Variants in DLG2 observed in about 807,000 individuals in gnomAD.
The protein encoded by DLG2 is disks large homolog 2.
DLG2 carries 45 observed loss-of-function variants against 132.5 expected under a neutral mutation model. The ratio of observed to expected loss-of-function variants is 0.34; its 90% CI spans 0.27 to 0.44. The LOEUF is 0.44. DLG2 is among the 20% of genes least tolerant of loss of function. The pLI, the probability that DLG2 is intolerant of heterozygous loss-of-function variation, is 1.00. For missense variants in DLG2, 1,045 were observed against 1,196.9 expected (o/e 0.87, Z 1.87); for synonymous variants, 424 against 419.6 (o/e 1.01, Z -0.13).
chr11:83,812,983 T>G (rs1265025009), intron 17 of DLG2, among the ~76,000 whole-genome samples: 3 of 152,176 alleles, frequency 2.0e-5, no homozygotes, highest in Non-Finnish European at 4.4e-5. Context: ...ACCACTTGCT[T>G]TGTGTCAGGC....
At chr11:84,984,194 A>G (rs1299301204) in intron 6 of DLG2, among the ~76,000 whole-genome samples, 4 of 152,202 alleles carry the variant, frequency 2.6e-5, no homozygotes, top group Non-Finnish European at 5.9e-5. Flanking sequence ...ATCATCACCT[A>G]GGCACATTGC....
chr11:84,448,218 C>T (rs2154480207), intron 7 of DLG2, among the ~76,000 whole-genome samples: 1 of 152,164 alleles, frequency 6.6e-6, no homozygotes, highest in East Asian at 1.9e-4. Flanking sequence ...TTCTAGCTAT[C>T]TCAACAACAG....
At chr11:83,997,730 C>CAAAAAAAAAAAA (rs71066079) in intron 11 of DLG2, among the ~76,000 whole-genome samples, 3 of 24,796 alleles carry the variant, frequency 1.2e-4, no homozygotes, top group African/African-American at 4.5e-4. Flanking sequence ...GACTCCATCT[C>CAAAAAAAAAAAA]AAAAAAAAAA....
At chr11:85,429,720 G>A (rs567575780) in intron 3 of DLG2, among the ~76,000 whole-genome samples, 3 of 152,346 alleles carry the variant, frequency 2.0e-5, no homozygotes, top group Non-Finnish European at 4.4e-5. Flanking sequence ...AGGTGCTGGA[G>A]AGGATGTGGA....
At chr11:84,516,988 TAA>T (rs1212178504) in intron 7 of DLG2, among the ~76,000 whole-genome samples, 1 of 47,258 alleles carries the variant, frequency 2.1e-5, no homozygotes, top group Admixed American at 2.3e-4. Context: ...ACTTAAAGTA[TAA>T]AAAAAAAAAG....
chr11:84,339,469 G>T (rs909963279), intron 7 of DLG2, among the ~76,000 whole-genome samples: 1 of 152,140 alleles, frequency 6.6e-6, no homozygotes, highest in Non-Finnish European at 1.5e-5. Context: ...ATTGGTATTT[G>T]TTCATCTATT....
chr11:85,224,473 G>A (rs2074855565), intron 4 of DLG2, among the ~76,000 whole-genome samples: 1 of 152,136 alleles, frequency 6.6e-6, no homozygotes, highest in Admixed American at 6.6e-5. Flanking sequence ...TGGCTGTACT[G>A]ATTAGTGATT....
chr11:84,156,502 C>T (rs2095432281), intron 9 of DLG2, among the ~76,000 whole-genome samples: 1 of 152,148 alleles, frequency 6.6e-6, no homozygotes, highest in African/African-American at 2.4e-5. Context: ...CTCCCATCCT[C>T]ACTGAAGAAA....
intron 6 of DLG2, among the ~76,000 whole-genome samples, chr11:85,083,324 C>T (rs929127247): frequency 9.2e-5 from 14 of 152,270 alleles, no homozygotes; most frequent in Non-Finnish European, 1.5e-4. Flanking sequence ...CAAGCTGGTA[C>T]CAAGCACCAA....
intron 6 of DLG2, among the ~76,000 whole-genome samples, chr11:84,714,591 CTCTTTCTTTCTCTT>C (rs1317461805): frequency 4.4e-5 from 5 of 113,664 alleles, no homozygotes; most frequent in African/African-American, 1.2e-4. Flanking sequence ...CTTTCTCTTT[CTCTTTCTTTCTCTT>C]TCTCTTTCTC....
intron 3 of DLG2, among the ~76,000 whole-genome samples, chr11:85,451,113 C>T (rs2092225720): frequency 6.6e-6 from 1 of 152,094 alleles, no homozygotes; most frequent in South Asian, 2.1e-4. Context: ...ATAGGGATCT[C>T]AAACTTCATC....
chr11:84,124,852 T>TC (rs2094100376), intron 9 of DLG2, among the ~76,000 whole-genome samples: 1 of 149,302 alleles, frequency 6.7e-6, no homozygotes, highest in Admixed American at 6.7e-5. Context: ...TTTCACTTTT[T>TC]TTTTTTTTTT....
At position 83,765,856 on chromosome 11, in the gene DLG2, C is replaced by T. The variant is rs549173327; in HGVS notation, c.1825+20834G>A. Among the ~76,000 whole-genome samples the T allele has an allele frequency of 2.6e-5, 4 of 152,036 alleles. No homozygotes were observed. In the East Asian group the frequency reaches 5.8e-4, roughly 22 times the overall value. On this transcript the variant is annotated intron_variant, in intron 18 of 27. Transcript: ENST00000376104. ...AAGTTAAGGTATTAGAATTGCTACC[C>T]AAATATACTCAATAGTGATAGTGTA...
chr11:84,956,974 G>C (rs2051763431), intron 6 of DLG2, among the ~76,000 whole-genome samples: 1 of 152,174 alleles, frequency 6.6e-6, no homozygotes, highest in Admixed American at 6.5e-5. Flanking sequence ...TATCTTTGTA[G>C]TGAAGTTCAT....
chr11:83,618,253 A>AAC (rs1426677460), intron 19 of DLG2, among the ~76,000 whole-genome samples: 11 of 152,172 alleles, frequency 7.2e-5, no homozygotes, highest in African/African-American at 2.7e-4. Context: ...ACAGTCATCT[A>AAC]ATATATAAAA....
intron 6 of DLG2, among the ~76,000 whole-genome samples, chr11:85,106,439 T>C (rs1442633118): frequency 5.9e-5 from 9 of 151,976 alleles, no homozygotes; most frequent in Admixed American, 4.6e-4. Flanking sequence ...AAGAGTTGTA[T>C]ATTAACTCCT....
intron 19 of DLG2, among the ~76,000 whole-genome samples, chr11:83,614,555 C>T (rs566116421): frequency 1.3e-4 from 20 of 152,166 alleles, no homozygotes; most frequent in African/African-American, 4.6e-4. Context: ...TCCATCCCTA[C>T]AAAAAATACA....
chr11:85,056,873 G>C (rs1767970486), intron 6 of DLG2, among the ~76,000 whole-genome samples: 1 of 151,778 alleles, frequency 6.6e-6, no homozygotes, highest in South Asian at 2.1e-4. Context: ...AAAAACGTAG[G>C]CAAAATAAAA....
intron 17 of DLG2, chr11:83,790,719 C>T: frequency 1.3e-6 from 1 of 784,982 alleles, no homozygotes. Context: ...AGTCAACAAC[C>T]CATTCATGGA....
Sources: allele counts gnomAD v4.1 joint callset (sites outside exome capture counted in the v4.1 genomes callset), GRCh38; gene constraint gnomAD v4.1.1; transcripts MANE v1.5; gene names NCBI Gene and HGNC (gene_info 2026-07-23, HGNC 2026-07-21).